PDZRN4: variants seen among roughly 807,000 people sequenced by gnomAD.
PDZRN4 encodes PDZ domain-containing RING finger protein 4.
A neutral mutation model predicts 99.0 loss-of-function variants in PDZRN4; 70 were observed. The observed-to-expected ratio is 0.71, with a 90% CI of 0.58 to 0.86. The LOEUF is 0.86. Ranked by LOEUF, PDZRN4 falls within the 40% of genes least tolerant of loss-of-function variation. The pLI is 0.00. For synonymous variants in PDZRN4, 551 were observed against 501.6 expected (o/e 1.10, Z -1.32); for missense variants, 1,474 against 1,331.2 (o/e 1.11, Z -1.67).
At chr12:41,196,066 T>G (rs1166506396) in intron 3 of PDZRN4, among the ~76,000 whole-genome samples, 2 of 152,308 alleles carry the variant, frequency 1.3e-5, no homozygotes, top group East Asian at 3.9e-4. Flanking sequence ...AAGAATTTTT[T>G]ATATTGTCAT....
chr12:41,349,659 C>A (rs1454773183), intron 3 of PDZRN4, among the ~76,000 whole-genome samples: 1 of 151,878 alleles, frequency 6.6e-6, no homozygotes, highest in East Asian at 1.9e-4. Context: ...TATTGACTTC[C>A]TAGTTTGTAC....
intron 5 of PDZRN4, among the ~76,000 whole-genome samples, chr12:41,542,983 G>T (rs1938885082): frequency 6.6e-6 from 1 of 151,880 alleles, no homozygotes; most frequent in Non-Finnish European, 1.5e-5. Flanking sequence ...ATGCATATTG[G>T]CCTCCCTCTC....
chr12:41,233,747 A>G lies in PDZRN4; in HGVS notation c.843+39559A>G, dbSNP rs184769438. Among the ~76,000 whole-genome samples the G allele has an allele frequency of 1.2e-3, 178 of 151,920 alleles. 1 individual carries two copies. Among genetic ancestry groups the G allele is most frequent in the African/African-American group, 4.2e-3 (172 of 41,434 alleles). ...GGTGGGAATTGAACAATGAGAACACATGGACACAGGAAGGGGAACATCACA... is the reference window on the plus strand; with the variant it reads ...GGTGGGAATTGAACAATGAGAACACGTGGACACAGGAAGGGGAACATCACA... On this transcript the variant is annotated intron_variant, in intron 3 of 9. Coordinates refer to ENST00000402685, the MANE Select transcript of PDZRN4 (RefSeq NM_001164595.2).
rs183424481 is a variant in PDZRN4 at position 41,211,992 on chromosome 12, C to T, written c.843+17804C>T. Among the ~76,000 whole-genome samples, 3 of 151,996 alleles carry T rather than the reference C, an allele frequency of 2.0e-5. No homozygotes were observed. In the East Asian group the frequency reaches 5.8e-4, roughly 30 times the overall value. On this transcript the variant is annotated intron_variant, in intron 3 of 9. Transcript: ENST00000402685. ...TAGTTTTATGGAGAAACTCCCTTTG[C>T]ATATTTTATTTTATATTCTTGCCTG...
chr12:41,224,101 TTGCCTATGGTTGCATC>T lies in PDZRN4; in HGVS notation c.843+29916_843+29931del, dbSNP rs1950976963. Among the ~76,000 whole-genome samples the T allele has an allele frequency of 2.6e-5, 4 of 152,316 alleles. No individual in the cohort carries two copies. In the South Asian group the frequency reaches 8.3e-4, roughly 32 times the overall value. ...AGGCCTGCCAGGCAAAGCTTTGCAA[TTGCCTATGGTTGCATC>T]TGAGAGGTCACCCATAGGATTTTGT... is the stretch of plus-strand genomic sequence containing the variant. On this transcript the variant is annotated intron_variant, in intron 3 of 9. Coordinates refer to ENST00000402685, the MANE Select transcript of PDZRN4 (RefSeq NM_001164595.2).
chr12:41,475,730 A>G (rs1377020295), intron 3 of PDZRN4, among the ~76,000 whole-genome samples: 2 of 152,234 alleles, frequency 1.3e-5, no homozygotes, highest in East Asian at 3.8e-4. Flanking sequence ...CATGAAAACC[A>G]TAATTCCTTT....
In PDZRN4 at chr12:41,573,699, A is replaced by G. The variant is rs2120867193; in HGVS notation, c.2920A>G (p.Ser974Gly). The change falls in exon 10 of 10, where the codon AGC (serine) becomes GGC (glycine). Residue 974 changes from serine to glycine, a missense_variant. Transcript: ENST00000402685. ...AAGCAGGTTAGAGTGTCTCAAGGAG[A>G]GCCCTCAGAGCGGCAGTGAGGGCAA... ...MRSRLECLKE[S>G]PQSGSEGKKE... The G allele has an allele frequency of 6.2e-7, 1 of 1,613,894 alleles. No homozygotes were observed. The highest frequency in any genetic ancestry group is 8.5e-7 in the Non-Finnish European group (1 of 1,179,948).
At chr12:41,563,756 A>G (rs769836037) in intron 8 of PDZRN4, 107 bp downstream of exon 8, 45 of 782,896 alleles carry the variant, frequency 5.7e-5, no homozygotes, top group South Asian at 1.1e-4. Context: ...TCTCTATCAA[A>G]TCATTATCAC....
At chr12:41,480,152 A>G (rs1161989193) in intron 3 of PDZRN4, among the ~76,000 whole-genome samples, 1 of 152,004 alleles carries the variant, frequency 6.6e-6, no homozygotes, top group African/African-American at 2.4e-5. Flanking sequence ...CACGATAATC[A>G]TCTTCTTTCA....
chr12:41,504,097 C>T (rs1028746356), intron 3 of PDZRN4, among the ~76,000 whole-genome samples: 22 of 151,782 alleles, frequency 1.4e-4, no homozygotes, highest in African/African-American at 5.1e-4. Context: ...AGTGAAACCC[C>T]GTCTCTACTA....
intron 3 of PDZRN4, among the ~76,000 whole-genome samples, chr12:41,427,343 T>C (rs1440485462): frequency 6.6e-6 from 1 of 152,202 alleles, no homozygotes; most frequent in Non-Finnish European, 1.5e-5. Context: ...TATTAACTAA[T>C]ATTTATTGAA....
chr12:41,314,303 A>G (rs2120957784), intron 3 of PDZRN4, among the ~76,000 whole-genome samples: 1 of 152,210 alleles, frequency 6.6e-6, no homozygotes, highest in South Asian at 2.1e-4. Flanking sequence ...CTCCAACCCT[A>G]TATTTTTCCC....
At chr12:41,468,283 T>G (rs573915640) in intron 3 of PDZRN4, among the ~76,000 whole-genome samples, 1 of 152,212 alleles carries the variant, frequency 6.6e-6, no homozygotes, top group Non-Finnish European at 1.5e-5. Flanking sequence ...TAGATTGAGC[T>G]ACTGGATCAT....
intron 3 of PDZRN4, among the ~76,000 whole-genome samples, chr12:41,494,511 C>T (rs1450015663): frequency 1.3e-5 from 2 of 151,850 alleles, no homozygotes; most frequent in Non-Finnish European, 1.5e-5. Context: ...ACGACCATGT[C>T]GATGAAATTA....
rs1379345595 is a variant in PDZRN4, at chr12:41,503,524, A to G, written c.844-2932A>G. Among the ~76,000 whole-genome samples the G allele has an allele frequency of 2.6e-5, 4 of 152,300 alleles. No individual in the cohort carries two copies. The East Asian group carries it at 7.7e-4, about 29-fold the overall frequency. On this transcript the variant is annotated intron_variant, in intron 3 of 9. Coordinates refer to ENST00000402685, the MANE Select transcript of PDZRN4 (RefSeq NM_001164595.2). ...TCAAATACTTTTCAATGATTTTTAT[A>G]TTTCCTCAGAAAAAACTATACTCTT...
At chr12:41,325,965 C>T (rs1006265041) in intron 3 of PDZRN4, among the ~76,000 whole-genome samples, 7 of 152,012 alleles carry the variant, frequency 4.6e-5, no homozygotes, top group African/African-American at 7.2e-5. Context: ...CACAACAGTG[C>T]TTTCGATGTT....
rs7309213 is a variant in PDZRN4, at chr12:41,222,612, G to A, written c.843+28424G>A. On this transcript the variant is annotated intron_variant, in intron 3 of 9. Transcript: ENST00000402685. ...CAGCTCACTGCAACCTCCACCTCCCGGGTTGAAGTGATTCTCCTGCCTCAG... is the reference window on the plus strand; with the variant it reads ...CAGCTCACTGCAACCTCCACCTCCCAGGTTGAAGTGATTCTCCTGCCTCAG... Among the ~76,000 whole-genome samples, 904 of 152,116 alleles carry A rather than the reference G, an allele frequency of 5.9e-3. 11 individuals are homozygous for A. Among genetic ancestry groups the A allele is most frequent in the African/African-American group, 0.021 (876 of 41,480 alleles).
At chr12:41,196,847 G>C (rs1950776798) in intron 3 of PDZRN4, among the ~76,000 whole-genome samples, 1 of 151,918 alleles carries the variant, frequency 6.6e-6, no homozygotes, top group African/African-American at 2.4e-5. Flanking sequence ...TTTCTGTTTT[G>C]TGATCAAAGA....
At chr12:41,446,092 A>G (rs1000946831) in intron 3 of PDZRN4, among the ~76,000 whole-genome samples, 2 of 152,010 alleles carry the variant, frequency 1.3e-5, no homozygotes, top group East Asian at 3.9e-4. Flanking sequence ...GCAGCCCCAT[A>G]TTCTCCTGTA....
Sources: gnomAD v4.1 joint callset for allele counts (sites outside exome capture counted in the v4.1 genomes callset) on GRCh38, gnomAD v4.1.1 for gene constraint, MANE v1.5 for transcripts, NCBI Gene and HGNC (gene_info 2026-07-23, HGNC 2026-07-21) for gene names.